The following PIK3CA variants were observed in gnomAD, a reference collection of about 807,000 sequenced individuals.
PIK3CA encodes the protein phosphatidylinositol 4,5-bisphosphate 3-kinase catalytic subunit alpha isoform.
PIK3CA carries 27 observed loss-of-function variants against 138.2 expected under a neutral mutation model. The ratio of observed to expected loss-of-function variants is 0.20; its 90% CI spans 0.14 to 0.27. The LOEUF (loss-of-function observed/expected upper bound fraction) is 0.27, where lower values mean the gene tolerates loss of function less well. Among genes scored for constraint, PIK3CA ranks in the 10% least tolerant of loss-of-function variants. The pLI is 1.00. For missense variants in PIK3CA, 544 were observed against 1,277.4 expected, an observed-to-expected ratio of 0.43 and a Z score of 8.75; for synonymous variants, 358 against 413.2, an observed-to-expected ratio of 0.87 and a Z score of 1.62.
chr3:179,210,230 C>T lies in PIK3CA; in HGVS notation c.1296C>T (p.Tyr432=), dbSNP rs2108400305. 3 of 1,591,790 alleles carry T rather than the reference C, an allele frequency of 1.9e-6. No individual in the cohort carries two copies. The highest frequency in any genetic ancestry group is 2.6e-6 in the Non-Finnish European group (3 of 1,173,938). Residue 432 remains tyrosine, a synonymous_variant, in exon 8 of 21, where the codon TAC becomes TAT. Transcript: ENST00000263967. ...LAWGNINLFD[Y]TDTLVSGKMA... ...GGGGAAATATAAACTTGTTTGATTA[C>T]ACAGACACTCTAGTATCTGGAAAAA...
rs1385639646 is a variant in PIK3CA at position 179,219,535 on chromosome 3, C to T, written c.1747-36C>T. ...ATGGCTCATTCACAACTATCTTTCC[C>T]CTTTAAATATGATTTATTGTCTTTC... On this transcript the variant is annotated intron_variant, in intron 11 of 20. Transcript: ENST00000263967. This position sits in a 1 kb window ranked among gnomAD's most constrained non-coding sequence, Gnocchi z 4.2. 2.9e-6 allele frequency: 3 copies of T among 1,033,362 alleles called. No individual in the cohort carries two copies. The African/African-American group carries it at 4.8e-5, about 17-fold the overall frequency. The allele number at this position is 1,033,362 out of a possible 1,614,324, so 64.0% of individuals were successfully genotyped here.
In PIK3CA at chr3:179,230,157, C is replaced by T. The variant is rs202004386; in HGVS notation, c.2784+36C>T. ...TCTCTGTTTAAAATGTTTTGGTGTT[C>T]TTAATTTATTCAAGACATTTTGTAT... is the stretch of plus-strand genomic sequence containing the variant. On this transcript the variant is annotated intron_variant, in intron 19 of 20. Coordinates refer to ENST00000263967, the MANE Select transcript of PIK3CA (RefSeq NM_006218.4). The surrounding 1 kb of genome is among the most constrained non-coding windows in gnomAD (Gnocchi z 5.4). 16 of 1,568,364 alleles carry T rather than the reference C, an allele frequency of 1.0e-5. No homozygotes were observed. Among genetic ancestry groups the T allele is most frequent in the South Asian group, 4.5e-5 (4 of 89,682 alleles).
At chr3:179,162,368 C>T (rs894465052) in intron 1 of PIK3CA, among the ~76,000 whole-genome samples, 4 of 152,054 alleles carry the variant, frequency 2.6e-5, no homozygotes, top group African/African-American at 7.2e-5. Flanking sequence ...CTCTGCCACA[C>T]CCATCTAATT....
At chr3:179,157,715 CA>C (rs964823765) in intron 1 of PIK3CA, among the ~76,000 whole-genome samples, 5 of 152,016 alleles carry the variant, frequency 3.3e-5, no homozygotes, top group African/African-American at 7.2e-5. Context: ...TTAGAAAAGC[CA>C]CAAAATATGG....
rs1483077348 is a variant in PIK3CA, at chr3:179,239,751, C to T, written c.*5387C>T. On this transcript the variant is annotated 3_prime_UTR_variant, in exon 21 of 21. Transcript: ENST00000263967. The stretch of plus-strand genomic sequence containing the variant: ...GAAATTCGAACCACCCTTTTGGCCC[C>T]ATTAATTGTAGCAAGTTTATTTCTC... The T allele has an allele frequency of 1.5e-5, 6 of 394,774 alleles. No homozygotes were observed. Among genetic ancestry groups the T allele is most frequent in the Non-Finnish European group, 2.7e-5 (6 of 222,520 alleles). The allele number at this position is 394,774 out of a possible 1,614,324, so 24.5% of individuals were successfully genotyped here.
chr3:179,210,073 A>G (rs975046956), intron 7 of PIK3CA, 113 bp from the exon 8 acceptor site: 37 of 725,872 alleles, frequency 5.1e-5, no homozygotes, highest in Admixed American at 1.4e-4. Flanking sequence ...TTTTTTTTTT[A>G]GATATTCCCA....
At chr3:179,212,979 G>T (rs1724753789) in intron 9 of PIK3CA, among the ~76,000 whole-genome samples, 1 of 152,124 alleles carries the variant, frequency 6.6e-6, no homozygotes, top group South Asian at 2.1e-4. Context: ...TTTACACATG[G>T]ATTTTCAGTT....
intron 14 of PIK3CA, among the ~76,000 whole-genome samples, chr3:179,222,443 G>A (rs906655327): frequency 1.3e-5 from 2 of 152,132 alleles, no homozygotes; most frequent in African/African-American, 4.8e-5. Context: ...TAACTGAGCT[G>A]AGAAAAAAGA....
At chr3:179,150,328 A>G (rs1722984488) in intron 1 of PIK3CA, among the ~76,000 whole-genome samples, 1 of 152,176 alleles carries the variant, frequency 6.6e-6, no homozygotes, top group Non-Finnish European at 1.5e-5. Context: ...AAAATAGTTT[A>G]TTTAAAAATG....
At chr3:179,204,310 A>T (rs565430909) in intron 5 of PIK3CA, among the ~76,000 whole-genome samples, 193 bp from the exon 6 acceptor site, 5 of 152,270 alleles carry the variant, frequency 3.3e-5, no homozygotes, top group Admixed American at 3.3e-4. Flanking sequence ...CTCCATTGTT[A>T]TTAGTGGATG....
rs199707417 is a variant in PIK3CA at position 179,234,077 on chromosome 3, G to A, written c.2937-17G>A. The A allele has an allele frequency of 2.3e-5, 37 of 1,584,808 alleles. No homozygotes were observed. Among genetic ancestry groups the A allele is most frequent in the Non-Finnish European group, 3.0e-5 (35 of 1,159,716 alleles). ...TCATTTGCTCCAAACTGACCAAACT[G>A]TTCTTATTACTTATAGGTTTCAGGA... On this transcript the variant is annotated splice_polypyrimidine_tract_variant and intron_variant, in intron 20 of 20. Coordinates refer to ENST00000263967, the MANE Select transcript of PIK3CA (RefSeq NM_006218.4). This position sits in a 1 kb window ranked among gnomAD's most constrained non-coding sequence, Gnocchi z 5.1.
intron 1 of PIK3CA, among the ~76,000 whole-genome samples, chr3:179,163,235 G>C (rs1723329752): frequency 6.6e-6 from 1 of 152,190 alleles, no homozygotes; most frequent in Admixed American, 6.5e-5. Flanking sequence ...AAGTTGAAGA[G>C]TTAATTGGAA....
chr3:179,207,070 TTAAG>T (rs908646326), intron 6 of PIK3CA, among the ~76,000 whole-genome samples: 2 of 152,148 alleles, frequency 1.3e-5, no homozygotes, highest in Non-Finnish European at 2.9e-5. Flanking sequence ...GTGTGAAAAT[TTAAG>T]TAAACTTTTT....
chr3:179,227,551 C>G (rs1446352433), intron 17 of PIK3CA, among the ~76,000 whole-genome samples: 1 of 151,710 alleles, frequency 6.6e-6, no homozygotes, highest in Admixed American at 6.6e-5. Context: ...AAGAATAAGG[C>G]CTGTGAAAAA....
At position 179,219,088 on chromosome 3, in the gene PIK3CA, G is replaced by A. The variant is rs549079723; in HGVS notation, c.1665-108G>A. 64 of 611,114 alleles carry A rather than the reference G, an allele frequency of 1.0e-4. No individual in the cohort carries two copies. The highest frequency in any genetic ancestry group is 4.5e-4 in the African/African-American group (24 of 53,880). 37.9% of individuals were successfully genotyped at this position (611,114 alleles called of 1,614,324 possible). A position where few individuals can be genotyped will look rare whatever the true frequency, so the allele number is the denominator to read the frequency against. On this transcript the variant is annotated intron_variant, in intron 10 of 20. Transcript: ENST00000263967. The surrounding 1 kb of genome is among the most constrained non-coding windows in gnomAD (Gnocchi z 4.2). Reference sequence around the variant, plus strand: ...TTTGAATTTTAAAAAAGCTAGTAATGTAAGAAGTTTGGGACTTCTTAAGAA... The same window carrying A: ...TTTGAATTTTAAAAAAGCTAGTAATATAAGAAGTTTGGGACTTCTTAAGAA...
Position 179,199,803 on chromosome 3 carries a change from C to G in PIK3CA, c.466C>G (p.Leu156Val), listed in dbSNP as rs201705993. Residue 156 changes from leucine to valine, a missense_variant, in exon 3 of 21, where the codon CTC becomes GTC. By Grantham distance (32) the Leu-to-Val change is conservative (BLOSUM62 1). Around this residue, in one of 14 missense-constraint regions of PIK3CA, gnomAD observed 234 missense variants for 401.3 expected, o/e 0.58. Transcript: ENST00000263967. ...VCKEAVDLRDLNSPHSRAMYV... is the reference protein window; with the variant it reads ...VCKEAVDLRDVNSPHSRAMYV... ...TAAAGAAGCTGTGGATCTTAGGGAC[C>G]TCAATTCACCTCATAGTAGAGCAAT... 6 of 1,612,264 alleles carry G rather than the reference C, an allele frequency of 3.7e-6. No homozygotes were observed. The South Asian group carries it at 5.5e-5, about 15-fold the overall frequency.
intron 16 of PIK3CA, among the ~76,000 whole-genome samples, chr3:179,225,318 A>G (rs1725057690): frequency 1.3e-5 from 2 of 152,104 alleles, no homozygotes; most frequent in Non-Finnish European, 2.9e-5. Context: ...TAAAATTGCA[A>G]GCATGTTGCA....
chr3:179,215,979 A>G (rs1465666410), intron 9 of PIK3CA, among the ~76,000 whole-genome samples: 1 of 152,106 alleles, frequency 6.6e-6, no homozygotes, highest in Non-Finnish European at 1.5e-5. Context: ...CCTCTACCCT[A>G]CTGCAGGCCA....
intron 1 of PIK3CA, among the ~76,000 whole-genome samples, chr3:179,163,200 T>C (rs1192760583): frequency 6.6e-6 from 1 of 152,224 alleles, no homozygotes; most frequent in Non-Finnish European, 1.5e-5. Flanking sequence ...TTATTTCATC[T>C]TACATACCAA....
Sources: gnomAD v4.1 joint callset for allele counts (sites outside exome capture counted in the v4.1 genomes callset) on GRCh38, gnomAD v4.1.1 for gene constraint, gnomAD v4.1.1 regional missense constraint, Gnocchi (gnomAD v3.1) non-coding constraint, MANE v1.5 for transcripts, NCBI Gene and HGNC (gene_info 2026-07-23, HGNC 2026-07-21) for gene names.